EPB41L3: variants seen among roughly 807,000 people sequenced by gnomAD.
EPB41L3 encodes the protein erythrocyte membrane protein band 4.1 like 3, also known as band 4.1-like protein 3.
In EPB41L3, 57 loss-of-function variants were observed where a neutral mutation model predicts 127.1. The observed-to-expected ratio is 0.45, with a 90% CI of 0.36 to 0.56. The LOEUF (loss-of-function observed/expected upper bound fraction) is 0.56, where lower values mean the gene tolerates loss of function less well. Ranked by LOEUF, EPB41L3 falls within the 20% of genes least tolerant of loss-of-function variation. EPB41L3 has a pLI of 0.00. For synonymous variants in EPB41L3, 572 were observed against 549.5 expected (o/e 1.04, Z -0.57); for missense variants, 1,273 against 1,372.2 (o/e 0.93, Z 1.14).
chr18:5,545,444 A>G (rs73937155), upstream of EPB41L3, among the ~76,000 whole-genome samples: 2,350 of 152,270 alleles, frequency 0.015, 69 homozygotes, highest in African/African-American at 0.053. Context: ...AGACTTTGGT[A>G]GGAAAGGAGG....
Position 5,394,724 on chromosome 18 carries a change from G to A in EPB41L3, c.3223C>T (p.His1075Tyr), listed in dbSNP as rs1231409113. The stretch of plus-strand genomic sequence containing the variant: ...TCTGGTGTGATCTCTGTCTCTTTAT[G>A]GACCACTACTTTGGTCACTGACATG... ...PDMSVTKVVV[H>Y]KETEITPEDG... Residue 1075 changes from histidine (H) to tyrosine (Y), a missense_variant, in exon 22 of 23, where the codon CAT (histidine) becomes TAT (tyrosine). His to Tyr is a moderately conservative substitution (Grantham distance 83, BLOSUM62 2). This residue lies in a region of EPB41L3 where 765 missense variants were observed against 782.9 expected (regional missense o/e 0.98). Transcript: ENST00000341928. The A allele has an allele frequency of 6.2e-7, 1 of 1,614,112 alleles. No individual in the cohort carries two copies. Among genetic ancestry groups the A allele is most frequent in the Admixed American group, 1.7e-5 (1 of 60,028 alleles).
chr18:5,595,978 T>C (rs1254917562), intron 3 of EPB41L3, among the ~76,000 whole-genome samples: 1 of 152,158 alleles, frequency 6.6e-6, no homozygotes, highest in Non-Finnish European at 1.5e-5. Context: ...GTCTTTAAGG[T>C]AACTGTAATC....
Position 5,503,551 on chromosome 18 carries a change from G to A in EPB41L3, c.-11-14357C>T, listed in dbSNP as rs552631235. Among the ~76,000 whole-genome samples, 5 of 152,294 alleles carry A rather than the reference G, an allele frequency of 3.3e-5. No homozygotes were observed. The South Asian group carries it at 8.3e-4, about 25-fold the overall frequency. On this transcript the variant is annotated intron_variant, in intron 1 of 22. Coordinates refer to ENST00000341928, the MANE Select transcript of EPB41L3 (RefSeq NM_012307.5). ...AGCCTGGAATGAGAGTGGTGAGATC[G>A]CATTATCTGCACTTTTAATAAGCAC...
intron 3 of EPB41L3, among the ~76,000 whole-genome samples, chr18:5,591,602 G>A (rs1481585407): frequency 9.2e-5 from 14 of 152,170 alleles, no homozygotes; most frequent in Non-Finnish European, 4.4e-5. Flanking sequence ...TCTAGCAAGG[G>A]AAGATATTTT....
chr18:5,412,636 C>T (rs2076336157), intron 13 of EPB41L3, among the ~76,000 whole-genome samples: 1 of 152,170 alleles, frequency 6.6e-6, no homozygotes, highest in African/African-American at 2.4e-5. Context: ...TTAAAATTTA[C>T]TTCAGTAACT....
At chr18:5,465,695 G>A (rs140652525) in intron 3 of EPB41L3, among the ~76,000 whole-genome samples, 92 of 152,218 alleles carry the variant, frequency 6.0e-4, no homozygotes, top group African/African-American at 2.2e-3. Flanking sequence ...AACCCTGTGA[G>A]CTCCACTTCA....
intron 1 of EPB41L3, among the ~76,000 whole-genome samples, chr18:5,520,461 T>G (rs2092940193): frequency 6.6e-6 from 1 of 151,980 alleles, no homozygotes. Flanking sequence ...ATCTATTATT[T>G]GGGAGAACAC....
At chr18:5,481,640 A>C (rs1043926719) in intron 2 of EPB41L3, among the ~76,000 whole-genome samples, 6 of 152,176 alleles carry the variant, frequency 3.9e-5, no homozygotes, top group African/African-American at 1.2e-4. Context: ...CCACCACCCC[A>C]GTCCTGGACA....
At chr18:5,410,649 G>C (rs1323433513) in intron 13 of EPB41L3, 30 bp from the exon 14 acceptor site, 2 of 1,603,974 alleles carry the variant, frequency 1.2e-6, no homozygotes, top group South Asian at 1.1e-5. Context: ...TCAGGTTCCA[G>C]GAGGAAGGCA....
chr18:5,578,117 G>A (rs1305462150), intron 3 of EPB41L3, among the ~76,000 whole-genome samples: 1 of 152,156 alleles, frequency 6.6e-6, no homozygotes, highest in Non-Finnish European at 1.5e-5. Context: ...GGGGTGGCGG[G>A]GTGGGACAGG....
At chr18:5,421,666 A>G (rs1310976438) in intron 11 of EPB41L3, among the ~76,000 whole-genome samples, 1 of 152,210 alleles carries the variant, frequency 6.6e-6, no homozygotes, top group African/African-American at 2.4e-5. Flanking sequence ...ATGTATTTTG[A>G]AGTGACTTGG....
chr18:5,503,290 C>T (rs892000217), intron 1 of EPB41L3, among the ~76,000 whole-genome samples: 18 of 152,068 alleles, frequency 1.2e-4, no homozygotes, highest in Non-Finnish European at 2.4e-4. Flanking sequence ...TAACTGGATG[C>T]CACTATTTAG....
At chr18:5,495,604 T>TA (rs397970932) in intron 1 of EPB41L3, among the ~76,000 whole-genome samples, 25,725 of 143,484 alleles carry the variant, frequency 0.18, 2,293 homozygotes, top group African/African-American at 0.22. Flanking sequence ...CTTGTCTGAT[T>TA]AAAAAAAAAA....
intron 3 of EPB41L3, among the ~76,000 whole-genome samples, chr18:5,452,363 C>A (rs189415939): frequency 6.7e-6 from 1 of 149,492 alleles, no homozygotes; most frequent in South Asian, 2.1e-4. Flanking sequence ...TACACAGACA[C>A]AAGTGCCTAA....
chr18:5,415,710 T>C (rs1383931825), intron 13 of EPB41L3, 108 bp downstream of exon 13: 4 of 1,184,540 alleles, frequency 3.4e-6, no homozygotes, highest in Non-Finnish European at 4.7e-6. Flanking sequence ...GCACAGACAA[T>C]AAATGAGGCT....
intron 3 of EPB41L3, among the ~76,000 whole-genome samples, chr18:5,576,004 G>A (rs998092502): frequency 1.1e-4 from 16 of 152,074 alleles, no homozygotes; most frequent in Admixed American, 3.9e-4. Flanking sequence ...ACATCCATAC[G>A]TATAATTTTG....
chr18:5,401,677 TG>T (rs2143286436), intron 16 of EPB41L3, among the ~76,000 whole-genome samples: 1 of 152,272 alleles, frequency 6.6e-6, no homozygotes, highest in South Asian at 2.1e-4. Flanking sequence ...CAAAATATCT[TG>T]CTGGAAAATT....
At chr18:5,591,385 A>G (rs2094484571) in intron 3 of EPB41L3, among the ~76,000 whole-genome samples, 1 of 152,148 alleles carries the variant, frequency 6.6e-6, no homozygotes, top group Non-Finnish European at 1.5e-5. Flanking sequence ...TTCCTGGTTC[A>G]CAGGTGGTGC....
intron 3 of EPB41L3, among the ~76,000 whole-genome samples, chr18:5,582,410 G>A (rs1484918752): frequency 1.3e-5 from 2 of 152,154 alleles, no homozygotes; most frequent in Non-Finnish European, 2.9e-5. Context: ...CTGCCTCAAG[G>A]CTGCTTAGAG....
Sources: allele counts gnomAD v4.1 joint callset (sites outside exome capture counted in the v4.1 genomes callset), GRCh38; gene constraint gnomAD v4.1.1; regional missense constraint gnomAD v4.1.1; transcripts MANE v1.5; gene names NCBI Gene and HGNC (gene_info 2026-07-23, HGNC 2026-07-21).